Variants in ZNF425 observed in about 807,000 individuals in gnomAD.
The protein encoded by ZNF425 is zinc finger protein 425.
Under a neutral mutation model 17.0 loss-of-function variants are expected in ZNF425, and 21 were observed. The observed-to-expected ratio is 1.23, with a 90% confidence interval of 0.88 to 1.78. The LOEUF is 1.78. ZNF425 is among the 40% of genes most tolerant of loss of function. The probability of loss-of-function intolerance (pLI) is 0.00; values close to 1 mark genes in which losing one functional copy is unlikely to be tolerated. For synonymous variants in ZNF425, 433 were observed against 384.1 expected, an observed-to-expected ratio of 1.13 and a Z score of -1.49; for missense variants, 868 against 967.3, an observed-to-expected ratio of 0.90 and a Z score of 1.36.
At position 149,126,302 on chromosome 7, in the gene ZNF425, C is replaced by CA; in HGVS notation, c.-90dup. 2 of 1,522,908 alleles carry CA rather than the reference C, an allele frequency of 1.3e-6. No individual in the cohort carries two copies. The highest frequency in any genetic ancestry group is 2.5e-5 in the South Asian group (2 of 81,428). The allele number at this position is 1,522,908 out of a possible 1,614,324, so 94.3% of individuals were successfully genotyped here. On this transcript the variant is annotated 5_prime_UTR_variant, in exon 1 of 4. Coordinates refer to ENST00000378061, the MANE Select transcript of ZNF425 (RefSeq NM_001001661.3). Reference sequence around the variant, plus strand: ...TCCCAGGTACAGCCCTGCTGGCCCCCAAAGGCAGAGCCGGCCGGGCGCGGT... The same window carrying CA: ...TCCCAGGTACAGCCCTGCTGGCCCCCAAAAGGCAGAGCCGGCCGGGCGCGGT...
At position 149,104,807 on chromosome 7, in the gene ZNF425, T is replaced by C; in HGVS notation, c.1064A>G (p.Lys355Arg). The C allele has an allele frequency of 6.2e-7, 1 of 1,613,884 alleles. No homozygotes were observed. The highest frequency in any genetic ancestry group is 2.2e-5 in the East Asian group (1 of 44,890). The change falls in exon 4 of 4, where the codon AAG becomes AGG. Residue 355 changes from lysine to arginine, a missense_variant. Lys to Arg is a conservative substitution (Grantham distance 26). Transcript: ENST00000378061. The surrounding 1 kb of genome is among the most constrained non-coding windows in gnomAD (Gnocchi z 4.3). ...ACACTCGGGACAGTGGAAGGGCCTC[T>C]TCCCGCTGTGCTGGGTCAGATGGAC... ...MKVHLTQHSG[K>R]RPFHCPECGR...
At chr7:149,107,104 CAAAA>C (rs35268081) in intron 3 of ZNF425, among the ~76,000 whole-genome samples, 18 of 82,086 alleles carry the variant, frequency 2.2e-4, no homozygotes, top group African/African-American at 6.3e-4. Flanking sequence ...GAGACTGTCT[CAAAA>C]AAAAAAAAAA....
At chr7:149,123,144 A>G (rs544007711) in intron 1 of ZNF425, among the ~76,000 whole-genome samples, 41 of 152,106 alleles carry the variant, frequency 2.7e-4, no homozygotes, top group Non-Finnish European at 5.4e-4. Context: ...TTAACCTACA[A>G]CCTCTAGTAT....
intron 2 of ZNF425, among the ~76,000 whole-genome samples, chr7:149,116,535 G>A (rs149924794): frequency 5.9e-5 from 9 of 152,158 alleles, no homozygotes; most frequent in East Asian, 1.9e-4. Context: ...CCATGAAATC[G>A]CACCAGAACG....
chr7:149,115,134 G>T (rs1360992785), intron 2 of ZNF425, among the ~76,000 whole-genome samples: 1 of 135,710 alleles, frequency 7.4e-6, no homozygotes, highest in Non-Finnish European at 1.6e-5. Context: ...ATTTTTAGTA[G>T]AGATGGGGTT....
chr7:149,104,929 C>G lies in ZNF425; in HGVS notation c.942G>C (p.Gln314His). 6.2e-7 allele frequency: 1 copy of G among 1,613,808 alleles called. No individual in the cohort carries two copies. The highest frequency in any genetic ancestry group is 8.5e-7 in the Non-Finnish European group (1 of 1,179,980). The change falls in exon 4 of 4, where the codon CAG becomes CAC. Residue 314 changes from glutamine to histidine, a missense_variant. Gln to His is a conservative substitution (Grantham distance 24). Transcript: ENST00000378061. The surrounding 1 kb of genome is among the most constrained non-coding windows in gnomAD (Gnocchi z 4.3). Reference protein sequence around the residue: ...CGECGRAFVQQCELTEHLRLH... With the variant: ...CGECGRAFVQHCELTEHLRLH... ...GCCGCAAGTGCTCCGTGAGCTCGCA[C>G]TGCTGCACGAAGGCCCGGCCGCACT...
intron 3 of ZNF425, among the ~76,000 whole-genome samples, chr7:149,108,247 T>C (rs1444996786): frequency 6.6e-6 from 1 of 152,102 alleles, no homozygotes; most frequent in Non-Finnish European, 1.5e-5. Context: ...AGTTTCACCA[T>C]GTTGGCATTT....
chr7:149,107,617 A>G (rs1826103255), intron 3 of ZNF425, among the ~76,000 whole-genome samples: 1 of 151,936 alleles, frequency 6.6e-6, no homozygotes, highest in Admixed American at 6.6e-5. Flanking sequence ...GATTACAGGC[A>G]TAAGCCACCG....
intron 1 of ZNF425, among the ~76,000 whole-genome samples, chr7:149,121,079 C>CTTTTTTT (rs75534831): frequency 1.4e-4 from 9 of 62,780 alleles, no homozygotes; most frequent in African/African-American, 5.2e-4. Context: ...TTTTACATTC[C>CTTTTTTT]TTTTTTTTTT....
At chr7:149,124,445 A>AC (rs1343818201) in intron 1 of ZNF425, among the ~76,000 whole-genome samples, 2 of 152,192 alleles carry the variant, frequency 1.3e-5, no homozygotes, top group Admixed American at 1.3e-4. Flanking sequence ...GTAAGCCACC[A>AC]CGTCCGGATG....
At chr7:149,116,544 C>A (rs894294182) in intron 2 of ZNF425, among the ~76,000 whole-genome samples, 1 of 152,164 alleles carries the variant, frequency 6.6e-6, no homozygotes, top group Admixed American at 6.6e-5. Context: ...CGCACCAGAA[C>A]GGCCAACACT....
At position 149,105,532 on chromosome 7, in the gene ZNF425, A is replaced by T; in HGVS notation, c.339T>A (p.Asp113Glu). Reference protein sequence around the residue: ...DEGTPRTKEEDCRLNGPQKQD... With the variant: ...DEGTPRTKEEECRLNGPQKQD... The stretch of plus-strand genomic sequence containing the variant: ...GTTTTTGAGGACCATTTAAACGGCA[A>T]TCCTCTTCTTTTGTCCTGGGAGTTC... The change falls in exon 4 of 4, where the codon GAT (aspartate) becomes GAA (glutamate). Residue 113 changes from aspartate (D) to glutamate (E), a missense_variant. By Grantham distance (45) the Asp-to-Glu change is conservative. This residue lies in a region of ZNF425 where 179 missense variants were observed against 216.3 expected (regional missense o/e 0.83). Coordinates refer to ENST00000378061, the MANE Select transcript of ZNF425 (RefSeq NM_001001661.3). 1 of 1,515,408 alleles carries T rather than the reference A, an allele frequency of 6.6e-7. No individual in the cohort carries two copies. Among genetic ancestry groups the T allele is most frequent in the Non-Finnish European group, 8.8e-7 (1 of 1,136,042 alleles). The allele number at this position is 1,515,408 out of a possible 1,614,324, so 93.9% of individuals were successfully genotyped here. A position where few individuals can be genotyped will look rare whatever the true frequency, so the allele number is the denominator to read the frequency against.
intron 3 of ZNF425, among the ~76,000 whole-genome samples, chr7:149,108,111 A>G (rs932691524): frequency 1.3e-5 from 2 of 151,984 alleles, no homozygotes; most frequent in Non-Finnish European, 2.9e-5. Flanking sequence ...GCTTCAACTA[A>G]TCTTCCTGCC....
chr7:149,124,725 G>A (rs1378595915), intron 1 of ZNF425, among the ~76,000 whole-genome samples: 1 of 151,766 alleles, frequency 6.6e-6, no homozygotes, highest in African/African-American at 2.4e-5. Flanking sequence ...ATTTTTGGTA[G>A]AGACGGGCTT....
In ZNF425 at chr7:149,110,043, AT is replaced by A. The variant is rs1202290697; in HGVS notation, c.304+2093del. 3.8e-4 allele frequency among the ~76,000 whole-genome samples: 57 copies of A among 151,202 alleles called. 1 individual carries two copies. The East Asian group carries it at 0.01, about 27-fold the overall frequency. ...AGGAGCCTGCCACCACACCTGACTA[AT>A]TTTTGTATTTTCAGTAGAAACGGGT... On this transcript the variant is annotated intron_variant, in intron 3 of 3. Coordinates refer to ENST00000378061, the MANE Select transcript of ZNF425 (RefSeq NM_001001661.3).
In ZNF425 at chr7:149,103,715, TC is replaced by T. The variant is rs777324296; in HGVS notation, c.2155del (p.Glu719ArgfsTer66). ...LKAHLCLHSG[E>X]RPFSCDECGR... ...ACACTCATCACAAGAAAAAGGCCTC[TC>T]CCCACTGTGAAGGCACAGATGGGCC... On this transcript the variant is annotated frameshift_variant, in exon 4 of 4. Coordinates refer to ENST00000378061, the MANE Select transcript of ZNF425 (RefSeq NM_001001661.3). LOFTEE classifies it high-confidence loss of function. 6.2e-7 allele frequency: 1 copy of T among 1,614,170 alleles called. No homozygotes were observed.
In ZNF425 at chr7:149,126,259, G is replaced by A. The variant is rs752579144; in HGVS notation, c.-46C>T. On this transcript the variant is annotated 5_prime_UTR_variant, in exon 1 of 4. Coordinates refer to ENST00000378061, the MANE Select transcript of ZNF425 (RefSeq NM_001001661.3). Reference sequence around the variant, plus strand: ...CCCTGCCTGGCACGGCCTCCCCTCCGCTCCGCCCCAACCCAACTCCCAGGT... The same window carrying A: ...CCCTGCCTGGCACGGCCTCCCCTCCACTCCGCCCCAACCCAACTCCCAGGT... The A allele has an allele frequency of 2.5e-6, 4 of 1,600,384 alleles. No homozygotes were observed. Among genetic ancestry groups the A allele is most frequent in the Non-Finnish European group, 3.4e-6 (4 of 1,174,096 alleles).
chr7:149,118,534 C>T (rs941391806), intron 1 of ZNF425, 186 bp from the exon 2 acceptor site: 19 of 682,070 alleles, frequency 2.8e-5, no homozygotes, highest in Middle Eastern at 8.7e-4. Flanking sequence ...ATGAATGGGC[C>T]GGGCCCAGTC....
chr7:149,125,411 C>T (rs999147804), intron 1 of ZNF425, among the ~76,000 whole-genome samples: 1 of 152,170 alleles, frequency 6.6e-6, no homozygotes, highest in African/African-American at 2.4e-5. Flanking sequence ...ACGCTAACCA[C>T]CCAATTCATT....
Sources: allele counts gnomAD v4.1 joint callset (sites outside exome capture counted in the v4.1 genomes callset), GRCh38; gene constraint gnomAD v4.1.1; regional missense constraint gnomAD v4.1.1; non-coding constraint Gnocchi (gnomAD v3.1); transcripts MANE v1.5; gene names NCBI Gene and HGNC (gene_info 2026-07-23, HGNC 2026-07-21).